The following EML5 variants were observed in gnomAD, a reference collection of about 807,000 sequenced individuals.
EML5 encodes the protein echinoderm microtubule-associated protein-like 5.
EML5 carries 120 observed loss-of-function variants against 250.0 expected under a neutral mutation model. The ratio of observed to expected loss-of-function variants is 0.48; its 90% CI spans 0.41 to 0.56. EML5 has a LOEUF of 0.56. Among genes scored for constraint, EML5 ranks in the 20% least tolerant of loss-of-function variants. EML5 has a pLI of 0.00. For missense variants in EML5, 2,006 were observed against 2,437.6 expected (o/e 0.82, Z 3.73); for synonymous variants, 771 against 806.5 (o/e 0.96, Z 0.75).
At chr14:88,762,432 C>A (rs1194664838) in intron 1 of EML5, among the ~76,000 whole-genome samples, 2 of 151,950 alleles carry the variant, frequency 1.3e-5, no homozygotes, top group African/African-American at 4.8e-5. Context: ...ATCACTTGAA[C>A]CCGGGAGGCA....
At chr14:88,736,658 C>T (rs961931294) in intron 6 of EML5, 93 bp from the exon 7 acceptor site, 14 of 1,213,004 alleles carry the variant, frequency 1.2e-5, no homozygotes, top group Admixed American at 8.1e-5. Context: ...GGGCAAGTCC[C>T]GGTGAAAGCC....
rs1412791963 is a variant in EML5, at chr14:88,661,657, A to G, written c.3672T>C (p.Thr1224=). 1.7e-5 allele frequency: 28 copies of G among 1,611,468 alleles called. No homozygotes were observed. Among genetic ancestry groups the G allele is most frequent in the Non-Finnish European group, 2.3e-5 (27 of 1,178,890 alleles). Residue 1224 remains threonine, a synonymous_variant, in exon 25 of 44, where the codon ACT becomes ACC. Coordinates refer to ENST00000554922, the MANE Select transcript of EML5 (RefSeq NM_183387.3). The stretch of plus-strand genomic sequence containing the variant: ...AAAGTTAAAGAAAAACACATACTTT[A>G]GTAGGATATCTAAATAACTTCACAA... The part of the protein sequence containing the change: ...LGFVKLFRYP[T]KGKFGKFKRY...
chr14:88,786,760 T>C (rs753726900), intron 1 of EML5, among the ~76,000 whole-genome samples: 8 of 152,218 alleles, frequency 5.3e-5, no homozygotes, highest in African/African-American at 9.6e-5. Flanking sequence ...GCTGCCGCCA[T>C]GTAAGAACTG....
intron 30 of EML5, 64 bp from the exon 31 acceptor site, chr14:88,643,086 T>C (rs1161034190): frequency 1.4e-6 from 2 of 1,455,250 alleles, no homozygotes; most frequent in African/African-American, 1.5e-5. Flanking sequence ...CACTGTTTTG[T>C]TGTATACGTA....
At chr14:88,677,916 T>C (rs1028970028) in intron 21 of EML5, among the ~76,000 whole-genome samples, 8 of 152,140 alleles carry the variant, frequency 5.3e-5, no homozygotes, top group African/African-American at 1.9e-4. Context: ...AGAAACACCA[T>C]TTGACCCAGC....
intron 9 of EML5, among the ~76,000 whole-genome samples, chr14:88,713,261 G>A (rs1455658564): frequency 6.6e-6 from 1 of 151,848 alleles, no homozygotes; most frequent in East Asian, 1.9e-4. Context: ...GCATGGTGGT[G>A]GGCACCTGTA....
At chr14:88,704,733 T>C (rs940322719) in intron 13 of EML5, 127 bp downstream of exon 13, 1 of 602,634 alleles carries the variant, frequency 1.7e-6, no homozygotes, top group Non-Finnish European at 2.8e-6. Flanking sequence ...GTTTTCCCCA[T>C]GGGCAATGTT....
intron 1 of EML5, among the ~76,000 whole-genome samples, chr14:88,760,724 A>G (rs568968183): frequency 1.3e-5 from 2 of 152,272 alleles, no homozygotes; most frequent in East Asian, 3.9e-4. Context: ...GAATTGTATT[A>G]TATCTATAAA....
At chr14:88,729,057 T>C (rs1566712444) in intron 7 of EML5, among the ~76,000 whole-genome samples, 2 of 151,378 alleles carry the variant, frequency 1.3e-5, no homozygotes, top group East Asian at 2.0e-4. Context: ...CAGTAATTCA[T>C]CTTTGGATTT....
At chr14:88,763,416 A>G (rs1349448029) in intron 1 of EML5, among the ~76,000 whole-genome samples, 1 of 152,212 alleles carries the variant, frequency 6.6e-6, no homozygotes, top group African/African-American at 2.4e-5. Context: ...AGAACTGGAT[A>G]AATTTCTAGA....
rs1260930163 is a variant in EML5, at chr14:88,792,676, C to G, written c.-173G>C. The G allele has an allele frequency of 8.8e-7, 1 of 1,139,162 alleles. No individual in the cohort carries two copies. The highest frequency in any genetic ancestry group is 1.6e-5 in the African/African-American group (1 of 61,402). The allele number at this position is 1,139,162 out of a possible 1,614,324, so 70.6% of individuals were successfully genotyped here. A position where few individuals can be genotyped will look rare whatever the true frequency, so the allele number is the denominator to read the frequency against. ...CGGGGGCCGCCGCCGCCTCAGCCCA[C>G]AGGCGGGAGGAAAACCCTCGCCTCG... On this transcript the variant is annotated 5_prime_UTR_variant, in exon 1 of 44. Transcript: ENST00000554922. This position sits in a 1 kb window ranked among gnomAD's most constrained non-coding sequence, Gnocchi z 6.9.
intron 36 of EML5, chr14:88,623,712 C>G (rs1387609087): frequency 1.3e-5 from 2 of 152,236 alleles, no homozygotes; most frequent in African/African-American, 4.8e-5. Context: ...GCAACTGGCC[C>G]AGAGCTTATT....
chr14:88,628,094 C>A (rs2090153521), intron 33 of EML5: 5 of 454,300 alleles, frequency 1.1e-5, no homozygotes, highest in South Asian at 1.0e-4. Context: ...GCAAATCAGG[C>A]AATCTCAACT....
chr14:88,623,141 G>A (rs12435692), intron 36 of EML5: 27,935 of 149,130 alleles, frequency 0.19, 3,089 homozygotes, highest in East Asian at 0.48. Flanking sequence ...TCAGCCTCCC[G>A]AGTAGCTAGC....
chr14:88,656,615 A>AT (rs201544875), intron 27 of EML5, among the ~76,000 whole-genome samples: 1,951 of 152,216 alleles, frequency 0.013, 49 homozygotes, highest in African/African-American at 0.044. Context: ...TTAAAGTATA[A>AT]TTAAAAAAAA....
intron 1 of EML5, among the ~76,000 whole-genome samples, chr14:88,760,350 G>C (rs918025646): frequency 1.3e-5 from 2 of 148,788 alleles, no homozygotes; most frequent in Non-Finnish European, 2.9e-5. Context: ...ATAGTTGTTT[G>C]TTTGTTTGTT....
chr14:88,783,750 T>C (rs960525148), intron 1 of EML5, among the ~76,000 whole-genome samples: 2 of 152,190 alleles, frequency 1.3e-5, no homozygotes, highest in South Asian at 4.1e-4. Context: ...ACTGGACAGA[T>C]ATTCCAGACA....
Position 88,695,347 on chromosome 14 carries a change from A to C in EML5, c.2438+14T>G, listed in dbSNP as rs2093052907. The C allele has an allele frequency of 1.3e-6, 2 of 1,599,150 alleles. No individual in the cohort carries two copies. The highest frequency in any genetic ancestry group is 3.5e-5 in the Admixed American group (2 of 57,338). On this transcript the variant is annotated intron_variant, in intron 16 of 43. Transcript: ENST00000554922. ...CTAGTATTTTGCAAATGTGATATCA[A>C]GTTTTTTTCCTACCTTGCTATTGAA...
intron 21 of EML5, among the ~76,000 whole-genome samples, chr14:88,674,006 C>A (rs2092535348): frequency 6.6e-6 from 1 of 152,172 alleles, no homozygotes; most frequent in African/African-American, 2.4e-5. Context: ...TGGTGGCTGA[C>A]ACCTGTAATC....
Sources: gnomAD v4.1 joint callset for allele counts (sites outside exome capture counted in the v4.1 genomes callset) on GRCh38, gnomAD v4.1.1 for gene constraint, Gnocchi (gnomAD v3.1) non-coding constraint, MANE v1.5 for transcripts, NCBI Gene and HGNC (gene_info 2026-07-23, HGNC 2026-07-21) for gene names.